CDH13: variants seen among roughly 807,000 people sequenced by gnomAD.
CDH13 encodes cadherin-13.
Under a neutral mutation model 63.8 loss-of-function variants are expected in CDH13, and 24 were observed. The ratio of observed to expected loss-of-function variants is 0.38; its 90% CI spans 0.27 to 0.53. CDH13 has a LOEUF of 0.53. CDH13 is among the 20% of genes least tolerant of loss of function. The pLI, the probability that CDH13 is intolerant of heterozygous loss-of-function variation, is 0.85. For synonymous variants in CDH13, 503 were observed against 355.3 expected (o/e 1.42, Z -4.67); for missense variants, 1,049 against 903.1 (o/e 1.16, Z -2.07).
At chr16:83,085,284 A>G (rs960803869) in intron 3 of CDH13, among the ~76,000 whole-genome samples, 1 of 152,176 alleles carries the variant, frequency 6.6e-6, no homozygotes, top group African/African-American at 2.4e-5. Flanking sequence ...TTTATTCACT[A>G]TCATGAGAAT....
intron 4 of CDH13, among the ~76,000 whole-genome samples, chr16:83,147,073 G>A (rs13332437): frequency 1.3e-5 from 2 of 152,028 alleles, no homozygotes; most frequent in African/African-American, 4.8e-5. Context: ...GGGCAACAGA[G>A]TGAGACTCCA....
At chr16:83,437,781 C>G (rs1011593343) in intron 6 of CDH13, among the ~76,000 whole-genome samples, 1 of 152,148 alleles carries the variant, frequency 6.6e-6, no homozygotes, top group African/African-American at 2.4e-5. Context: ...CCCAGATCCA[C>G]TTGATATAAT....
At chr16:83,255,813 AT>A (rs1906189729) in intron 5 of CDH13, among the ~76,000 whole-genome samples, 1 of 152,016 alleles carries the variant, frequency 6.6e-6, no homozygotes, top group Admixed American at 6.6e-5. Flanking sequence ...CTGCCTCCTG[AT>A]TTGCAAAATA....
intron 6 of CDH13, among the ~76,000 whole-genome samples, chr16:83,392,992 T>C (rs2091817775): frequency 6.6e-6 from 1 of 151,724 alleles, no homozygotes; most frequent in Non-Finnish European, 1.5e-5. Flanking sequence ...GGTGATGGGG[T>C]GTGGGTGCCC....
At chr16:83,528,310 C>A (rs1471982909) in intron 7 of CDH13, among the ~76,000 whole-genome samples, 1 of 152,132 alleles carries the variant, frequency 6.6e-6, no homozygotes, top group Non-Finnish European at 1.5e-5. Context: ...AAATGGGAAA[C>A]TGTATTTAGA....
At chr16:82,701,931 T>C (rs925534357) in intron 1 of CDH13, among the ~76,000 whole-genome samples, 2 of 152,058 alleles carry the variant, frequency 1.3e-5, no homozygotes, top group South Asian at 2.1e-4. Context: ...ACAGGATGGG[T>C]GGGTGCAGTT....
intron 10 of CDH13, among the ~76,000 whole-genome samples, chr16:83,705,123 G>A (rs753428673): frequency 6.6e-6 from 1 of 152,120 alleles, no homozygotes; most frequent in African/African-American, 2.4e-5. Context: ...ATAGAGTATG[G>A]GAAAGGAATT....
chr16:83,174,318 A>C (rs1452728927), intron 4 of CDH13, among the ~76,000 whole-genome samples: 1 of 152,152 alleles, frequency 6.6e-6, no homozygotes, highest in Non-Finnish European at 1.5e-5. Context: ...AATGATGTTC[A>C]TACATCCCAT....
chr16:83,458,352 A>G (rs1012826270), intron 6 of CDH13, among the ~76,000 whole-genome samples: 1 of 152,216 alleles, frequency 6.6e-6, no homozygotes, highest in Non-Finnish European at 1.5e-5. Flanking sequence ...TGACTACATT[A>G]AAATGAGCCT....
intron 7 of CDH13, among the ~76,000 whole-genome samples, chr16:83,560,663 G>T (rs936199217): frequency 3.3e-5 from 5 of 152,200 alleles, no homozygotes; most frequent in Non-Finnish European, 5.9e-5. Flanking sequence ...ATTGGTCCCT[G>T]GGCCTCCCTG....
intron 6 of CDH13, among the ~76,000 whole-genome samples, chr16:83,373,856 A>G (rs1312535714): frequency 2.0e-5 from 3 of 152,166 alleles, no homozygotes; most frequent in African/African-American, 7.2e-5. Flanking sequence ...AGTCCCATAG[A>G]GAGCCTCGTG....
intron 1 of CDH13, among the ~76,000 whole-genome samples, chr16:82,818,618 A>G (rs2037841534): frequency 6.6e-6 from 1 of 152,188 alleles, no homozygotes; most frequent in African/African-American, 2.4e-5. Flanking sequence ...ATGATAGCCA[A>G]CATTTACCTT....
intron 4 of CDH13, among the ~76,000 whole-genome samples, chr16:83,203,007 C>G (rs1262164458): frequency 6.6e-6 from 1 of 151,664 alleles, no homozygotes; most frequent in African/African-American, 2.4e-5. Context: ...GGGAAGATCA[C>G]CTGAGGTCAC....
At chr16:83,091,742 TGTTTTGTTC>T (rs777682191) in intron 3 of CDH13, among the ~76,000 whole-genome samples, 4 of 152,272 alleles carry the variant, frequency 2.6e-5, no homozygotes, top group African/African-American at 7.2e-5. Context: ...CTTTTTTGTC[TGTTTTGTTC>T]ACTACATACT....
intron 4 of CDH13, among the ~76,000 whole-genome samples, chr16:83,191,528 CACATATAT>C (rs1201875215): frequency 3.4e-3 from 239 of 70,074 alleles, no homozygotes; most frequent in South Asian, 8.2e-3. Flanking sequence ...CACACACACA[CACATATAT>C]ATATATATAT....
At chr16:83,130,332 T>C (rs2035992759) in intron 4 of CDH13, among the ~76,000 whole-genome samples, 1 of 152,202 alleles carries the variant, frequency 6.6e-6, no homozygotes, top group African/African-American at 2.4e-5. Flanking sequence ...AGAGCCAAGC[T>C]TTGTTACTGC....
intron 1 of CDH13, among the ~76,000 whole-genome samples, chr16:82,782,896 A>G (rs571865671): frequency 6.6e-6 from 1 of 152,236 alleles, no homozygotes; most frequent in African/African-American, 2.4e-5. Context: ...AGAGGCTTCC[A>G]GGTCTCTATT....
At chr16:82,897,032 G>A (rs573567187) in intron 2 of CDH13, among the ~76,000 whole-genome samples, 4 of 151,566 alleles carry the variant, frequency 2.6e-5, no homozygotes, top group Admixed American at 2.0e-4. Context: ...TTCCTGCCTC[G>A]GCCTCCCAAA....
At chr16:83,489,397 G>A (rs1349553524) in intron 7 of CDH13, among the ~76,000 whole-genome samples, 1 of 152,162 alleles carries the variant, frequency 6.6e-6, no homozygotes, top group Non-Finnish European at 1.5e-5. Flanking sequence ...AATGAATAAA[G>A]AGTGTCACTC....
Sources: gnomAD v4.1 joint callset for allele counts (sites outside exome capture counted in the v4.1 genomes callset) on GRCh38, gnomAD v4.1.1 for gene constraint, MANE v1.5 for transcripts, NCBI Gene and HGNC (gene_info 2026-07-23, HGNC 2026-07-21) for gene names.